The following PRKAR1A variants were observed in gnomAD, a reference collection of about 807,000 sequenced individuals.
PRKAR1A encodes cAMP-dependent protein kinase type I-alpha regulatory subunit.
A neutral mutation model predicts 52.0 loss-of-function variants in PRKAR1A; 3 were observed. The ratio of observed to expected loss-of-function variants is 0.06; its 90% CI spans 0.03 to 0.15. The LOEUF is 0.15. PRKAR1A is among the 10% of genes least tolerant of loss of function. PRKAR1A has a pLI of 1.00. For synonymous variants in PRKAR1A, 188 were observed against 168.4 expected, an observed-to-expected ratio of 1.12 and a Z score of -0.90; for missense variants, 240 against 477.4, an observed-to-expected ratio of 0.50 and a Z score of 4.63.
intron 11 of PRKAR1A, among the ~76,000 whole-genome samples, chr17:68,548,689 A>G (rs1017375922): frequency 4.6e-5 from 7 of 151,758 alleles, no homozygotes; most frequent in Admixed American, 1.3e-4. Context: ...AAAGTACAAT[A>G]AAGTGAAACG....
At chr17:68,420,204 G>A in the PRKAR1A span, 2 of 1,614,086 alleles carry the variant, frequency 1.2e-6, no homozygotes, top group South Asian at 2.2e-5. Flanking sequence ...GCCAGGGCGT[G>A]TGATGGGAGC....
the PRKAR1A span, among the ~76,000 whole-genome samples, chr17:68,424,297 C>T: frequency 7.7e-4 from 117 of 152,292 alleles, no homozygotes; most frequent in African/African-American, 2.7e-3. Context: ...CTGCGACCGA[C>T]CCGCAGAGCC....
the PRKAR1A span, among the ~76,000 whole-genome samples, chr17:68,437,948 T>TAAAAAAAAAAAAAAAAAA: frequency 3.8e-5 from 3 of 78,802 alleles, no homozygotes; most frequent in African/African-American, 1.4e-4. Flanking sequence ...ACATCTCTCT[T>TAAAAAAAAAAAAAAAAAA]AAAAAAAAAA....
the PRKAR1A span, among the ~76,000 whole-genome samples, chr17:68,482,421 C>T: frequency 6.6e-6 from 1 of 152,088 alleles, no homozygotes; most frequent in South Asian, 2.1e-4. Context: ...ACAGTTTCAT[C>T]TCATTTATAT....
chr17:68,537,383 A>G (rs1463950631), downstream of PRKAR1A: 2 of 1,527,840 alleles, frequency 1.3e-6, no homozygotes, highest in Middle Eastern at 2.2e-4. This position sits in a 1 kb window ranked among gnomAD's most constrained non-coding sequence, Gnocchi z 4.2. Flanking sequence ...CTTGACTCCC[A>G]GCAGTAACAG....
the PRKAR1A span, chr17:68,430,075 C>T: frequency 6.2e-7 from 1 of 1,614,068 alleles, no homozygotes; most frequent in African/African-American, 1.3e-5. Flanking sequence ...TGCATCATGT[C>T]TGACACCTGG....
At chr17:68,462,443 C>A in the PRKAR1A span, among the ~76,000 whole-genome samples, 4 of 152,146 alleles carry the variant, frequency 2.6e-5, no homozygotes, top group Non-Finnish European at 4.4e-5. Flanking sequence ...CAGCCAATCA[C>A]CCTGCCTTAA....
At chr17:68,535,035 G>A (rs894375256), downstream of PRKAR1A, 11 of 319,162 alleles carry the variant, frequency 3.4e-5, 1 homozygote, top group South Asian at 2.2e-4. Flanking sequence ...AGGCTAAAAC[G>A]AATTCTTCCA....
chr17:68,529,960 A>T lies in PRKAR1A; in HGVS notation c.932A>T (p.Glu311Val). ...AVLQRRSENE[E>V]FVEVGRLGPS... Reference sequence around the variant, plus strand: ...CTACAACGTCGGTCAGAAAATGAAGAGTTTGTTGAAGTGGGAAGATTGGGG... The same window carrying T: ...CTACAACGTCGGTCAGAAAATGAAGTGTTTGTTGAAGTGGGAAGATTGGGG... The change falls in exon 10 of 11, where the codon GAG becomes GTG. Residue 311 changes from glutamate to valine, a missense_variant. Coordinates refer to ENST00000589228, the MANE Select transcript of PRKAR1A (RefSeq NM_002734.5). 1 of 1,614,050 alleles carries T rather than the reference A, an allele frequency of 6.2e-7. No individual in the cohort carries two copies. Among genetic ancestry groups the T allele is most frequent in the Non-Finnish European group, 8.5e-7 (1 of 1,179,978 alleles).
chr17:68,415,299 G>C, the PRKAR1A span, among the ~76,000 whole-genome samples: 1 of 152,290 alleles, frequency 6.6e-6, no homozygotes, highest in South Asian at 2.1e-4. Context: ...TTAGGAGCAG[G>C]TTATATAATT....
At chr17:68,544,946 A>T (rs955041183) in intron 11 of PRKAR1A, among the ~76,000 whole-genome samples, 2 of 152,242 alleles carry the variant, frequency 1.3e-5, no homozygotes, top group African/African-American at 4.8e-5. Context: ...AGTGCTTCTC[A>T]TACTTTGAGA....
At chr17:68,436,620 CTGA>C in the PRKAR1A span, 128 of 692,032 alleles carry the variant, frequency 1.8e-4, no homozygotes, top group Non-Finnish European at 5.0e-5. Flanking sequence ...CTGCTTTCCG[CTGA>C]TGATTCTTCT....
the PRKAR1A span, chr17:68,429,891 G>T: frequency 6.5e-7 from 1 of 1,545,140 alleles, no homozygotes; most frequent in Non-Finnish European, 8.8e-7. Flanking sequence ...GCCCAGCCTG[G>T]GGCAAGTTTT....
the PRKAR1A span, chr17:68,421,816 A>T: frequency 6.2e-7 from 1 of 1,614,138 alleles, no homozygotes; most frequent in Non-Finnish European, 8.5e-7. Flanking sequence ...ACGGCACAAG[A>T]TTATCTACCA....
At chr17:68,551,077 TC>T in intron 11 of PRKAR1A, 2 of 1,234,340 alleles carry the variant, frequency 1.6e-6, no homozygotes, top group Non-Finnish European at 1.0e-6. Flanking sequence ...GATTTTCTTT[TC>T]TGCAGGTCAC....
chr17:68,416,525 C>T, the PRKAR1A span, among the ~76,000 whole-genome samples: 1 of 152,246 alleles, frequency 6.6e-6, no homozygotes, highest in East Asian at 1.9e-4. Context: ...CTAGCAAGGC[C>T]AGGGAAGTTT....
rs1386738204 is a variant in PRKAR1A, at chr17:68,524,031, C to T, written c.456C>T (p.Ala152=). 1 of 1,613,900 alleles carries T rather than the reference C, an allele frequency of 6.2e-7. No individual in the cohort carries two copies. Among genetic ancestry groups the T allele is most frequent in the Non-Finnish European group, 8.5e-7 (1 of 1,179,990 alleles). ...DDNERSDIFD[A]MFSVSFIAGE... is the part of the protein sequence containing the mutation. ...TCTTTTGCAGTGATATTTTTGATGC[C>T]ATGTTTTCGGTCTCCTTTATCGCAG... The change falls in exon 5 of 11, where the codon GCC becomes GCT. Residue 152 remains alanine, a synonymous_variant. Coordinates refer to ENST00000589228, the MANE Select transcript of PRKAR1A (RefSeq NM_002734.5).
chr17:68,472,352 A>G, the PRKAR1A span, among the ~76,000 whole-genome samples: 114,931 of 151,920 alleles, frequency 0.76, 43,884 homozygotes, highest in Middle Eastern at 0.8. Flanking sequence ...TCACCCCTCC[A>G]TGTTCTGGGG....
At chr17:68,541,049 T>C in intron 11 of PRKAR1A, 1 of 1,517,472 alleles carries the variant, frequency 6.6e-7, no homozygotes, top group Non-Finnish European at 8.9e-7. Context: ...CCCCAATCCC[T>C]GCCTCCCTGA....
Sources: allele counts gnomAD v4.1 joint callset (sites outside exome capture counted in the v4.1 genomes callset), GRCh38; gene constraint gnomAD v4.1.1; non-coding constraint Gnocchi (gnomAD v3.1); transcripts MANE v1.5; gene names NCBI Gene and HGNC (gene_info 2026-07-23, HGNC 2026-07-21).